Variants in BCL7A observed in about 807,000 individuals in gnomAD.
BCL7A encodes B-cell CLL/lymphoma 7 protein family member A.
BCL7A carries 11 observed loss-of-function variants against 28.4 expected under a neutral mutation model. The observed-to-expected ratio is 0.39, with a 90% confidence interval of 0.24 to 0.64. The LOEUF (loss-of-function observed/expected upper bound fraction) is 0.64, where lower values mean the gene tolerates loss of function less well. BCL7A is among the 30% of genes least tolerant of loss of function. The pLI is 0.50. For missense variants in BCL7A, 222 were observed against 274.8 expected (o/e 0.81, Z 1.36); for synonymous variants, 123 against 103.3 (o/e 1.19, Z -1.15).
chr12:122,055,771 A>T (rs1285427789), intron 5 of BCL7A, among the ~76,000 whole-genome samples: 1 of 151,866 alleles, frequency 6.6e-6, no homozygotes, highest in Non-Finnish European at 1.5e-5. Context: ...GGTGCCTACC[A>T]CTCTGCCTGG....
At chr12:122,023,479 T>C in intron 1 of BCL7A, among the ~76,000 whole-genome samples, 1 of 152,156 alleles carries the variant, frequency 6.6e-6, no homozygotes, top group East Asian at 1.9e-4. Context: ...AAGTTAGCTG[T>C]CCTTTCTGAG....
At chr12:122,052,063 C>T (rs1219441875) in intron 4 of BCL7A, among the ~76,000 whole-genome samples, 13 of 151,718 alleles carry the variant, frequency 8.6e-5, no homozygotes, top group South Asian at 2.1e-4. Flanking sequence ...TTAGTAGAGA[C>T]GGGGTTTCAC....
At position 122,022,299 on chromosome 12, in the gene BCL7A, G is replaced by A. The variant is rs1008886185; in HGVS notation, c.92+116G>A. 5.1e-3 allele frequency: 2,770 copies of A among 546,700 alleles called. 12 individuals are homozygous for A. The highest frequency in any genetic ancestry group is 5.9e-3 in the Non-Finnish European group (2,563 of 435,256). The allele number at this position is 546,700 out of a possible 1,614,324, so 33.9% of individuals were successfully genotyped here. ...GCCTGCCCCGGCCCAGCCCCGCCGC[G>A]GGCCCCGGGACTTGGCGAGGGCGGG... On this transcript the variant is annotated intron_variant, in intron 1 of 5. Transcript: ENST00000261822.
At chr12:122,041,319 A>G (rs1430818660) in intron 3 of BCL7A, among the ~76,000 whole-genome samples, 1 of 152,182 alleles carries the variant, frequency 6.6e-6, no homozygotes, top group Non-Finnish European at 1.5e-5. Context: ...GCTTCTGCCC[A>G]GTGCCTGGCA....
chr12:122,037,866 T>C (rs1362111574), intron 3 of BCL7A, among the ~76,000 whole-genome samples: 1 of 152,158 alleles, frequency 6.6e-6, no homozygotes, highest in Non-Finnish European at 1.5e-5. Context: ...GGAGAATCGC[T>C]TGAACTCAGG....
chr12:122,022,931 T>C (rs1883503604), intron 1 of BCL7A, among the ~76,000 whole-genome samples: 1 of 152,228 alleles, frequency 6.6e-6, no homozygotes, highest in African/African-American at 2.4e-5. Context: ...GCCGATGTTT[T>C]TGGCCAGAAG....
intron 2 of BCL7A, among the ~76,000 whole-genome samples, chr12:122,031,509 C>G (rs1454367398): frequency 6.6e-6 from 1 of 152,192 alleles, no homozygotes; most frequent in African/African-American, 2.4e-5. Flanking sequence ...GTTATTTTTC[C>G]TACTCAGCCT....
intron 5 of BCL7A, among the ~76,000 whole-genome samples, chr12:122,058,769 C>A (rs1951895487): frequency 6.6e-6 from 1 of 152,208 alleles, no homozygotes; most frequent in African/African-American, 2.4e-5. Flanking sequence ...CTGGTCCAGT[C>A]TGAATGAGTG....
At chr12:122,040,122 G>A (rs1176463296) in intron 3 of BCL7A, among the ~76,000 whole-genome samples, 2 of 152,142 alleles carry the variant, frequency 1.3e-5, no homozygotes, top group Non-Finnish European at 2.9e-5. Flanking sequence ...ATAACCAACC[G>A]CATTTTACAG....
chr12:122,022,075 G>C lies in BCL7A; in HGVS notation c.-17G>C. The C allele has an allele frequency of 1.3e-6, 2 of 1,542,580 alleles. No homozygotes were observed. Among genetic ancestry groups the C allele is most frequent in the Non-Finnish European group, 1.8e-6 (2 of 1,142,546 alleles). ...CCGGCGGGCGCGCTCCCCAGCCTCC[G>C]TCTCCCCGCCGGAACCATGTCGGGC... On this transcript the variant is annotated 5_prime_UTR_variant, in exon 1 of 6. Transcript: ENST00000261822.
At chr12:122,048,289 T>C (rs1039371998) in intron 4 of BCL7A, among the ~76,000 whole-genome samples, 2 of 152,138 alleles carry the variant, frequency 1.3e-5, no homozygotes, top group African/African-American at 4.8e-5. Flanking sequence ...GTGAAGCTTA[T>C]CTATGTCTGA....
chr12:122,022,893 C>T (rs541299474), intron 1 of BCL7A, among the ~76,000 whole-genome samples: 27 of 151,376 alleles, frequency 1.8e-4, no homozygotes, highest in African/African-American at 6.5e-4. Flanking sequence ...CCGCTCTGCG[C>T]GGCGCCCCGG....
intron 1 of BCL7A, among the ~76,000 whole-genome samples, chr12:122,027,058 G>A (rs751287539): frequency 1.3e-5 from 2 of 152,286 alleles, no homozygotes; most frequent in Non-Finnish European, 2.9e-5. Flanking sequence ...CAGGAGGCGC[G>A]GGGCACACCC....
chr12:122,047,525 G>GA (rs1186897070), intron 4 of BCL7A, among the ~76,000 whole-genome samples: 42 of 143,284 alleles, frequency 2.9e-4, no homozygotes, highest in Admixed American at 5.6e-4. Flanking sequence ...ATCCGTCTCA[G>GA]AAAAAAAAAA....
Position 122,029,373 on chromosome 12 carries a change from AG to A in BCL7A, c.93-1324del, listed in dbSNP as rs1883694738. ...GTCATCCCGCAACCCCCGTGGTGAC[AG>A]GGTGGGAGTCCTGTAACCTGTCACA... On this transcript the variant is annotated intron_variant, in intron 1 of 5. Transcript: ENST00000261822. This position sits in a 1 kb window ranked among gnomAD's most constrained non-coding sequence, Gnocchi z 4.3. Among the ~76,000 whole-genome samples the A allele has an allele frequency of 6.6e-6, 1 of 152,122 alleles. No homozygotes were observed. Among genetic ancestry groups the A allele is most frequent in the South Asian group, 2.1e-4 (1 of 4,828 alleles).
chr12:122,030,655 G>A, intron 1 of BCL7A, 45 bp from the exon 2 acceptor site: 1 of 1,558,964 alleles, frequency 6.4e-7, no homozygotes, highest in South Asian at 1.1e-5. Flanking sequence ...GTGTCCCCCA[G>A]GGATGAAGAG....
At chr12:122,035,579 AAG>A in intron 3 of BCL7A, 152 bp downstream of exon 3, 1 of 650,168 alleles carries the variant, frequency 1.5e-6, no homozygotes, top group Non-Finnish European at 2.7e-6. Context: ...TGCCAAGGAG[AAG>A]AGTCAGCGGA....
intron 3 of BCL7A, among the ~76,000 whole-genome samples, chr12:122,043,351 A>C (rs1446649849): frequency 1.5e-5 from 2 of 133,542 alleles, no homozygotes; most frequent in Admixed American, 1.8e-4. Context: ...AGGTCAGGCC[A>C]GTGCCGGAAT....
intron 2 of BCL7A, among the ~76,000 whole-genome samples, chr12:122,032,314 G>A (rs1432337928): frequency 6.6e-6 from 1 of 152,168 alleles, no homozygotes; most frequent in African/African-American, 2.4e-5. Flanking sequence ...CTGAGCCTTG[G>A]TCTCTCTCCG....
Sources: allele counts gnomAD v4.1 joint callset (sites outside exome capture counted in the v4.1 genomes callset), GRCh38; gene constraint gnomAD v4.1.1; non-coding constraint Gnocchi (gnomAD v3.1); transcripts MANE v1.5; gene names NCBI Gene and HGNC (gene_info 2026-07-23, HGNC 2026-07-21).